Variants in SHC4 observed in about 807,000 individuals in gnomAD.
SHC4 encodes the protein SHC adaptor protein 4.
In SHC4, 41 loss-of-function variants were observed where a neutral mutation model predicts 69.4. The ratio of observed to expected loss-of-function variants is 0.59; its 90% CI spans 0.46 to 0.77. SHC4 has a LOEUF of 0.77. SHC4 is among the 30% of genes least tolerant of loss of function. The pLI is 0.00. For synonymous variants in SHC4, 318 were observed against 299.3 expected (o/e 1.06, Z -0.64); for missense variants, 777 against 783.8 (o/e 0.99, Z 0.10).
In SHC4 at chr15:48,963,141, C is replaced by T; in HGVS notation, c.-126G>A. ...CACAGCAGCCACCTCTCCAACTCTG[C>T]TCTCGAGCTCGCCCACCTCGGCTCC... On this transcript the variant is annotated 5_prime_UTR_variant, in exon 1 of 12. Coordinates refer to ENST00000332408, the MANE Select transcript of SHC4 (RefSeq NM_203349.4). 1 of 1,014,270 alleles carries T rather than the reference C, an allele frequency of 9.9e-7. No homozygotes were observed. Among genetic ancestry groups the T allele is most frequent in the Non-Finnish European group, 1.4e-6 (1 of 706,120 alleles). 62.8% of individuals were successfully genotyped at this position (1,014,270 alleles called of 1,614,324 possible). A position where few individuals can be genotyped will look rare whatever the true frequency, so the allele number is the denominator to read the frequency against.
At chr15:48,897,443 C>T (rs1045762143) in intron 2 of SHC4, among the ~76,000 whole-genome samples, 3 of 152,002 alleles carry the variant, frequency 2.0e-5, no homozygotes, top group Non-Finnish European at 2.9e-5. Flanking sequence ...CACTACAACA[C>T]TTAAGTTATA....
intron 6 of SHC4, among the ~76,000 whole-genome samples, chr15:48,860,971 A>T (rs973673720): frequency 1.3e-5 from 2 of 152,234 alleles, no homozygotes; most frequent in Admixed American, 1.3e-4. Context: ...AATCAATCAG[A>T]CACATCAACC....
At chr15:48,837,529 A>C (rs1350053595) in intron 10 of SHC4, among the ~76,000 whole-genome samples, 4 of 152,140 alleles carry the variant, frequency 2.6e-5, no homozygotes, top group African/African-American at 9.7e-5. Context: ...TTTGACAATA[A>C]TAATTATAAT....
chr15:48,875,910 C>T (rs978288368), intron 4 of SHC4, among the ~76,000 whole-genome samples: 5 of 152,162 alleles, frequency 3.3e-5, no homozygotes, highest in African/African-American at 1.2e-4. Flanking sequence ...AATTATCAAC[C>T]ATATTATACA....
intron 11 of SHC4, among the ~76,000 whole-genome samples, chr15:48,829,031 C>T (rs538819329): frequency 6.6e-6 from 1 of 152,224 alleles, no homozygotes; most frequent in South Asian, 2.1e-4. Flanking sequence ...TGTAATGCCA[C>T]TTCTCTAGTG....
intron 1 of SHC4, among the ~76,000 whole-genome samples, chr15:48,942,332 A>T (rs557790724): frequency 6.6e-6 from 1 of 152,340 alleles, no homozygotes; most frequent in South Asian, 2.1e-4. Context: ...AAGCTATTCG[A>T]TCACAAACAT....
intron 2 of SHC4, among the ~76,000 whole-genome samples, chr15:48,904,490 G>A (rs1900371714): frequency 6.6e-6 from 1 of 152,176 alleles, no homozygotes; most frequent in South Asian, 2.1e-4. Context: ...ACATGATTGA[G>A]AAATCCTTCC....
At chr15:48,933,184 T>A (rs1380112122) in intron 1 of SHC4, among the ~76,000 whole-genome samples, 1 of 152,146 alleles carries the variant, frequency 6.6e-6, no homozygotes, top group Non-Finnish European at 1.5e-5. Context: ...TTCCAGTCCC[T>A]CGTTACCATC....
intron 1 of SHC4, among the ~76,000 whole-genome samples, chr15:48,934,082 G>A (rs1043150249): frequency 6.6e-6 from 1 of 151,946 alleles, no homozygotes. Context: ...AAATATATAG[G>A]TTGGACTTCA....
At position 48,878,393 on chromosome 15, in the gene SHC4, C is replaced by T. The variant is rs374971624; in HGVS notation, c.840+5855G>A. The T allele has an allele frequency of 6.2e-7, 1 of 1,612,058 alleles. No homozygotes were observed. Among genetic ancestry groups the T allele is most frequent in the East Asian group, 2.2e-5 (1 of 44,832 alleles). On this transcript the variant is annotated intron_variant, in intron 4 of 11. Transcript: ENST00000332408. ...GCCAATGGCGGCGCCAGAGGGGAAA[C>T]GGAGCCTTGCTAACGGGCCCAACGC...
rs751910823 is a variant in SHC4, at chr15:48,890,046, G to GTAGA, written c.720+698_720+701dup. Among the ~76,000 whole-genome samples, 54 of 152,220 alleles carry GTAGA rather than the reference G, an allele frequency of 3.5e-4. 1 individual carries two copies. The highest frequency in any genetic ancestry group is 6.9e-4 in the Non-Finnish European group (47 of 68,042). ...AGTGTAATAGATGCCAGACGCTGTG[G>GTAGA]TAGATAGTATGTAGACATCACTTCG... On this transcript the variant is annotated intron_variant, in intron 3 of 11. Transcript: ENST00000332408.
chr15:48,867,966 T>C (rs1899596014), intron 5 of SHC4, 97 bp from the exon 6 acceptor site: 4 of 936,748 alleles, frequency 4.3e-6, no homozygotes, highest in African/African-American at 3.3e-5. Flanking sequence ...AGGACTCAAA[T>C]ACAAATGTTT....
chr15:48,909,609 G>C (rs1167068243), intron 2 of SHC4, among the ~76,000 whole-genome samples: 2 of 152,162 alleles, frequency 1.3e-5, no homozygotes, highest in African/African-American at 2.4e-5. Context: ...GGAATGGTGA[G>C]AGTGGGCATG....
At chr15:48,834,659 A>G in intron 11 of SHC4, 110 bp downstream of exon 11, 1 of 1,482,622 alleles carries the variant, frequency 6.7e-7, no homozygotes, top group Non-Finnish European at 9.1e-7. Flanking sequence ...GTTCCAGAAA[A>G]AGCAAATACT....
chr15:48,891,626 C>T (rs1044813775), intron 2 of SHC4, among the ~76,000 whole-genome samples: 4 of 152,198 alleles, frequency 2.6e-5, no homozygotes, highest in African/African-American at 9.6e-5. Flanking sequence ...ATATATTAAA[C>T]TTCTCACAAG....
intron 4 of SHC4, among the ~76,000 whole-genome samples, chr15:48,873,294 A>G (rs1435069436): frequency 6.6e-6 from 1 of 152,138 alleles, no homozygotes; most frequent in African/African-American, 2.4e-5. Context: ...GGGGCAAAAG[A>G]TTTTCTGGGA....
At chr15:48,855,803 T>G in intron 8 of SHC4, 150 bp downstream of exon 8, 1 of 755,574 alleles carries the variant, frequency 1.3e-6, no homozygotes, top group African/African-American at 1.8e-5. Context: ...TGATCTAGTG[T>G]AGCCTCTGAC....
intron 9 of SHC4, among the ~76,000 whole-genome samples, chr15:48,844,510 A>T: frequency 6.6e-6 from 1 of 152,074 alleles, no homozygotes; most frequent in Non-Finnish European, 1.5e-5. Context: ...CCTTTTCTCC[A>T]TCACTGTCAT....
At chr15:48,930,235 T>C (rs11629825) in intron 1 of SHC4, among the ~76,000 whole-genome samples, 3 of 152,246 alleles carry the variant, frequency 2.0e-5, no homozygotes, top group Non-Finnish European at 2.9e-5. Flanking sequence ...TTTTGTACTG[T>C]TTATACAAAT....
Sources: gnomAD v4.1 joint callset for allele counts (sites outside exome capture counted in the v4.1 genomes callset) on GRCh38, gnomAD v4.1.1 for gene constraint, MANE v1.5 for transcripts, NCBI Gene and HGNC (gene_info 2026-07-23, HGNC 2026-07-21) for gene names.